The following CPA4 variants were observed in gnomAD, a reference collection of about 807,000 sequenced individuals.
The protein encoded by CPA4 is carboxypeptidase A3.
Under a neutral mutation model 54.7 loss-of-function variants are expected in CPA4, and 49 were observed. The observed-to-expected ratio is 0.90, with a 90% CI of 0.71 to 1.14. The LOEUF is 1.14. CPA4 is among the 50% of genes most tolerant of loss of function. The probability of loss-of-function intolerance (pLI) is 0.00; values close to 1 mark genes in which losing one functional copy is unlikely to be tolerated. For missense variants in CPA4, 487 were observed against 525.1 expected (o/e 0.93, Z 0.71); for synonymous variants, 215 against 206.8 (o/e 1.04, Z -0.34).
intron 10 of CPA4, among the ~76,000 whole-genome samples, chr7:130,313,210 C>T (rs1018374816): frequency 5.3e-5 from 8 of 152,058 alleles, no homozygotes; most frequent in Admixed American, 5.2e-4. Flanking sequence ...GTGAGATGGG[C>T]AGGATTCTGT....
chr7:130,294,172 C>A (rs540360926), intron 1 of CPA4, among the ~76,000 whole-genome samples: 2 of 152,126 alleles, frequency 1.3e-5, no homozygotes, highest in Non-Finnish European at 2.9e-5. Context: ...TTAAGGAACG[C>A]GCTCAAGGCC....
intron 10 of CPA4, among the ~76,000 whole-genome samples, chr7:130,314,434 G>T (rs12534255): frequency 0.05 from 7,651 of 152,314 alleles, 263 homozygotes; most frequent in Middle Eastern, 0.088. Flanking sequence ...TTTAACAAAG[G>T]AAGCTCCTTT....
In CPA4 at chr7:130,310,101, G is replaced by A. The variant is rs1312421323; in HGVS notation, c.794-686G>A. Among the ~76,000 whole-genome samples, 1 of 152,138 alleles carries A rather than the reference G, an allele frequency of 6.6e-6. No individual in the cohort carries two copies. The highest frequency in any genetic ancestry group is 2.4e-5 in the African/African-American group (1 of 41,424). ...TGTTTTTAATGTGCTTCTTTTACTT[G>A]TATAGAAATACCACACAAACCATTG... On this transcript the variant is annotated intron_variant, in intron 8 of 10. Coordinates refer to ENST00000222482, the MANE Select transcript of CPA4 (RefSeq NM_016352.4). This position sits in a 1 kb window ranked among gnomAD's most constrained non-coding sequence, Gnocchi z 4.3.
At chr7:130,296,270 A>G (rs1343506741) in intron 1 of CPA4, among the ~76,000 whole-genome samples, 6 of 152,144 alleles carry the variant, frequency 3.9e-5, no homozygotes, top group African/African-American at 1.4e-4. Flanking sequence ...AACGGGCTTC[A>G]CTCGGCACCC....
Position 130,310,819 on chromosome 7 carries a change from G to A in CPA4, c.826G>A (p.Val276Met). Residue 276 changes from valine (V) to methionine (M), a missense_variant, in exon 9 of 11, where the codon GTG (valine) becomes ATG (methionine). Val to Met is a conservative substitution (Grantham distance 21). Transcript: ENST00000222482. This position sits in a 1 kb window ranked among gnomAD's most constrained non-coding sequence, Gnocchi z 4.3. ...AGCCAGCGACAACCCTTGCTCCGAA[G>A]TGTACCATGGACCCCACGCCAATTC... is the stretch of plus-strand genomic sequence containing the variant. ...KGASDNPCSE[V>M]YHGPHANSEV... is the part of the protein sequence containing the mutation. The A allele has an allele frequency of 6.2e-7, 1 of 1,614,226 alleles. No homozygotes were observed. Among genetic ancestry groups the A allele is most frequent in the Non-Finnish European group, 8.5e-7 (1 of 1,180,026 alleles).
chr7:130,318,236 C>A (rs1794021186), intron 10 of CPA4, among the ~76,000 whole-genome samples: 1 of 152,032 alleles, frequency 6.6e-6, no homozygotes, highest in South Asian at 2.1e-4. Flanking sequence ...AGGGTCCTGG[C>A]CTGTGGGTCA....
At chr7:130,300,289 G>A (rs111957010) in intron 3 of CPA4, among the ~76,000 whole-genome samples, 2,662 of 151,764 alleles carry the variant, frequency 0.018, 90 homozygotes, top group African/African-American at 0.062. Context: ...CAGGGAGTAA[G>A]TGGGTTTTGA....
Position 130,298,775 on chromosome 7 carries a change from A to G in CPA4, c.98A>G (p.Asn33Ser), listed in dbSNP as rs781558130. ...GDQVLRINVRNGDEISKLSQL... is the reference protein window; with the variant it reads ...GDQVLRINVRSGDEISKLSQL... ...CAAGTTTTGAGGATTAATGTCAGAA[A>G]TGGAGACGAGATCAGCAAATTGAGT... The change falls in exon 2 of 11, where the codon AAT becomes AGT. Residue 33 changes from asparagine to serine, a missense_variant. By Grantham distance (46) the Asn-to-Ser change is conservative (BLOSUM62 1). Transcript: ENST00000222482. The G allele has an allele frequency of 6.2e-7, 1 of 1,612,378 alleles. No individual in the cohort carries two copies. Among genetic ancestry groups the G allele is most frequent in the Admixed American group, 1.7e-5 (1 of 60,012 alleles).
intron 7 of CPA4, among the ~76,000 whole-genome samples, chr7:130,307,644 A>G (rs1410295104): frequency 6.6e-6 from 1 of 151,278 alleles, no homozygotes; most frequent in Non-Finnish European, 1.5e-5. Context: ...AAAAAAAAAA[A>G]AAAAAGTGTT....
chr7:130,300,267 A>G (rs1257368473), intron 3 of CPA4, among the ~76,000 whole-genome samples: 1 of 151,974 alleles, frequency 6.6e-6, no homozygotes, highest in Non-Finnish European at 1.5e-5. Context: ...CAAAGAGCGC[A>G]TATGTTGCTT....
At chr7:130,308,170 T>C (rs1793854112) in intron 7 of CPA4, 137 bp from the exon 8 acceptor site, 1 of 710,956 alleles carries the variant, frequency 1.4e-6, no homozygotes, top group East Asian at 2.5e-5. Context: ...AACTGCTCAA[T>C]GAGGACTAGG....
intron 6 of CPA4, among the ~76,000 whole-genome samples, chr7:130,306,584 C>G (rs1793824456): frequency 6.6e-6 from 1 of 152,160 alleles, no homozygotes; most frequent in South Asian, 2.1e-4. Flanking sequence ...CCCAAGCAGC[C>G]GTGTCTCTCC....
At position 130,310,709 on chromosome 7, in the gene CPA4, C is replaced by G; in HGVS notation, c.794-78C>G. 2 of 1,388,016 alleles carry G rather than the reference C, an allele frequency of 1.4e-6. No individual in the cohort carries two copies. The highest frequency in any genetic ancestry group is 2.0e-6 in the Non-Finnish European group (2 of 980,912). The allele number at this position is 1,388,016 out of a possible 1,614,324, so 86.0% of individuals were successfully genotyped here. On this transcript the variant is annotated intron_variant, in intron 8 of 10. Transcript: ENST00000222482. The surrounding 1 kb of genome is among the most constrained non-coding windows in gnomAD (Gnocchi z 4.3). ...CTGCCCATTCCCAATACCTTCGGCC[C>G]CTCTCTAGGTGGAGCGTCTTGCATT...
chr7:130,319,317 A>T (rs1794047167), intron 10 of CPA4, among the ~76,000 whole-genome samples: 1 of 152,152 alleles, frequency 6.6e-6, no homozygotes, highest in Non-Finnish European at 1.5e-5. Flanking sequence ...TTGGGTTTTC[A>T]CGCTCATGTG....
rs1354778987 is a variant in CPA4, at chr7:130,310,621, C to T, written c.794-166C>T. 6.6e-6 allele frequency among the ~76,000 whole-genome samples: 1 copy of T among 152,236 alleles called. No individual in the cohort carries two copies. Among genetic ancestry groups the T allele is most frequent in the East Asian group, 1.9e-4 (1 of 5,194 alleles). On this transcript the variant is annotated intron_variant, in intron 8 of 10. Coordinates refer to ENST00000222482, the MANE Select transcript of CPA4 (RefSeq NM_016352.4). The surrounding 1 kb of genome is among the most constrained non-coding windows in gnomAD (Gnocchi z 4.3). ...GACCCAACACCCAACCCTCCCTCTT[C>T]CATGCCTTCTCTGCAGTCCACACCC...
At position 130,322,616 on chromosome 7, in the gene CPA4, AGAG is replaced by A. The variant is rs1332744439; in HGVS notation, c.1210_1212del (p.Glu404del). 1 of 1,614,124 alleles carries A rather than the reference AGAG, an allele frequency of 6.2e-7. No individual in the cohort carries two copies. The highest frequency in any genetic ancestry group is 8.5e-7 in the Non-Finnish European group (1 of 1,180,042). On this transcript the variant is annotated inframe_deletion, in exon 11 of 11. Coordinates refer to ENST00000222482, the MANE Select transcript of CPA4 (RefSeq NM_016352.4). ...CAGCTAACCAGATCATCCCCACTGCAGAGGAGACGTGGCTGGGGCTGAAGACCA... is the reference window on the plus strand; with the variant it reads ...CAGCTAACCAGATCATCCCCACTGCAGAGACGTGGCTGGGGCTGAAGACCA...
rs563018117 is a variant in CPA4 at position 130,307,290 on chromosome 7, A to G, written c.702+393A>G. On this transcript the variant is annotated intron_variant, in intron 7 of 10. Coordinates refer to ENST00000222482, the MANE Select transcript of CPA4 (RefSeq NM_016352.4). Reference sequence around the variant, plus strand: ...ATGGCACTACTATCACTTTTAAAGGAATAATGGAAGTTCTTTAATATCATC... The same window carrying G: ...ATGGCACTACTATCACTTTTAAAGGGATAATGGAAGTTCTTTAATATCATC... Among the ~76,000 whole-genome samples, 3 of 152,312 alleles carry G rather than the reference A, an allele frequency of 2.0e-5. No homozygotes were observed. The East Asian group carries it at 5.8e-4, about 29-fold the overall frequency.
chr7:130,304,684 G>A, intron 5 of CPA4, 105 bp downstream of exon 5: 1 of 767,250 alleles, frequency 1.3e-6, no homozygotes, highest in Non-Finnish European at 2.4e-6. Flanking sequence ...CTTCAGGGAG[G>A]AAAGCGAGGT....
At chr7:130,320,463 T>C (rs1794073655) in intron 10 of CPA4, among the ~76,000 whole-genome samples, 1 of 152,200 alleles carries the variant, frequency 6.6e-6, no homozygotes, top group Non-Finnish European at 1.5e-5. Context: ...CACTCTGCAT[T>C]TTCTTGAGGT....
Sources: allele counts gnomAD v4.1 joint callset (sites outside exome capture counted in the v4.1 genomes callset), GRCh38; gene constraint gnomAD v4.1.1; non-coding constraint Gnocchi (gnomAD v3.1); transcripts MANE v1.5; gene names NCBI Gene and HGNC (gene_info 2026-07-23, HGNC 2026-07-21).